PBX3: variants seen among roughly 807,000 people sequenced by gnomAD.
PBX3 encodes the protein PBX homeobox 3.
Under a neutral mutation model 48.5 loss-of-function variants are expected in PBX3, and 14 were observed. The observed-to-expected ratio is 0.29, with a 90% CI of 0.19 to 0.45. The LOEUF is 0.45. PBX3 is among the 20% of genes least tolerant of loss of function. The pLI is 1.00. For synonymous variants in PBX3, 210 were observed against 200.3 expected (o/e 1.05, Z -0.41); for missense variants, 386 against 546.7 (o/e 0.71, Z 2.93).
intron 2 of PBX3, among the ~76,000 whole-genome samples, chr9:125,793,366 A>AAAAATATATATATATATATAT (rs59271982): frequency 4.9e-5 from 5 of 101,936 alleles, no homozygotes; most frequent in African/African-American, 2.1e-4. Flanking sequence ...GGAAAAAAAA[A>AAAAATATATATATATATATAT]ATATATATAT....
At chr9:125,824,232 TTG>T (rs369649288) in intron 2 of PBX3, among the ~76,000 whole-genome samples, 2 of 152,214 alleles carry the variant, frequency 1.3e-5, no homozygotes, top group African/African-American at 4.8e-5. Flanking sequence ...GTAAGAAAGA[TTG>T]TGGTTTGATT....
intron 2 of PBX3, among the ~76,000 whole-genome samples, chr9:125,795,705 GC>G (rs1394973373): frequency 6.6e-6 from 1 of 152,076 alleles, no homozygotes; most frequent in Non-Finnish European, 1.5e-5. Flanking sequence ...AAGACCATGG[GC>G]CATTAACACC....
chr9:125,945,049 C>G (rs113094148), intron 5 of PBX3, among the ~76,000 whole-genome samples: 5,462 of 151,990 alleles, frequency 0.036, 340 homozygotes, highest in African/African-American at 0.12. Context: ...ATGGTGAAAC[C>G]CTCTCTCTAC....
chr9:125,949,269 A>T, intron 5 of PBX3: 1 of 1,362,118 alleles, frequency 7.3e-7, no homozygotes, highest in Non-Finnish European at 1.0e-6. Flanking sequence ...TTCAGGGGTT[A>T]ATGAAATCAT....
At chr9:125,891,418 A>G (rs1474799791) in intron 2 of PBX3, among the ~76,000 whole-genome samples, 1 of 152,272 alleles carries the variant, frequency 6.6e-6, no homozygotes, top group Non-Finnish European at 1.5e-5. Flanking sequence ...CGTGAGGTTC[A>G]GTCAAATGGA....
At chr9:125,957,763 G>A (rs2118799063) in intron 5 of PBX3, among the ~76,000 whole-genome samples, 1 of 152,224 alleles carries the variant, frequency 6.6e-6, no homozygotes, top group African/African-American at 2.4e-5. Flanking sequence ...TTCAGAGTTG[G>A]GGAATTTTCA....
rs758542924 is a variant in PBX3, at chr9:125,747,617, C to T, written c.164C>T (p.Thr55Ile). The T allele has an allele frequency of 1.3e-6, 2 of 1,599,908 alleles. No individual in the cohort carries two copies. The highest frequency in any genetic ancestry group is 1.1e-5 in the South Asian group (1 of 89,764). ...DIGDILHQIMTITDQSLDEAQ... is the reference protein window; with the variant it reads ...DIGDILHQIMIITDQSLDEAQ... ...GGCGACATCCTCCACCAGATCATGACCATCACCGACCAGAGCTTGGACGAG... is the reference window on the plus strand; with the variant it reads ...GGCGACATCCTCCACCAGATCATGATCATCACCGACCAGAGCTTGGACGAG... Residue 55 changes from threonine (T) to isoleucine (I), a missense_variant, in exon 1 of 9, where the codon ACC (threonine) becomes ATC (isoleucine). By Grantham distance (89) the Thr-to-Ile change is moderately conservative. Coordinates refer to ENST00000373489, the MANE Select transcript of PBX3 (RefSeq NM_006195.6).
At chr9:125,797,605 A>G (rs1016034972) in intron 2 of PBX3, 14 of 152,146 alleles carry the variant, frequency 9.2e-5, no homozygotes, top group African/African-American at 2.9e-4. Flanking sequence ...CATATAGTAC[A>G]CAGTAAAATG....
At chr9:125,852,491 G>A (rs1839610332) in intron 2 of PBX3, among the ~76,000 whole-genome samples, 1 of 152,062 alleles carries the variant, frequency 6.6e-6, no homozygotes, top group Admixed American at 6.6e-5. Flanking sequence ...GGGCAATTTG[G>A]CTTTCGGAAC....
At chr9:125,753,584 A>G (rs1836431946) in intron 2 of PBX3, among the ~76,000 whole-genome samples, 1 of 152,102 alleles carries the variant, frequency 6.6e-6, no homozygotes, top group Non-Finnish European at 1.5e-5. Flanking sequence ...TCTCTTGTCA[A>G]TACTAACTTG....
At chr9:125,925,472 CT>C (rs1332486537) in intron 3 of PBX3, among the ~76,000 whole-genome samples, 1 of 151,880 alleles carries the variant, frequency 6.6e-6, no homozygotes, top group African/African-American at 2.4e-5. Context: ...AATTTTCTTT[CT>C]TTTCTTTCTC....
At chr9:125,843,953 T>G in intron 2 of PBX3, 1 of 298,262 alleles carries the variant, frequency 3.4e-6, no homozygotes, top group Admixed American at 3.4e-5. Flanking sequence ...GGAAATGTGT[T>G]AAGATGAAAG....
chr9:125,824,437 T>C (rs1222393293), intron 2 of PBX3, among the ~76,000 whole-genome samples: 1 of 152,220 alleles, frequency 6.6e-6, no homozygotes, highest in East Asian at 1.9e-4. Context: ...CAAAGGAAAG[T>C]ATACCTTTCT....
chr9:125,757,917 CTCA>C (rs1836564163), intron 2 of PBX3, among the ~76,000 whole-genome samples: 1 of 152,124 alleles, frequency 6.6e-6, no homozygotes, highest in Non-Finnish European at 1.5e-5. Flanking sequence ...TCCAGTTTTT[CTCA>C]TCATATTTCT....
At chr9:125,935,834 G>A (rs763849812) in intron 5 of PBX3, among the ~76,000 whole-genome samples, 1 of 152,186 alleles carries the variant, frequency 6.6e-6, no homozygotes, top group Non-Finnish European at 1.5e-5. Context: ...ATTCCCCAGT[G>A]TAAATCTTCT....
intron 2 of PBX3, among the ~76,000 whole-genome samples, chr9:125,849,992 T>C (rs1226657706): frequency 6.6e-6 from 1 of 152,024 alleles, no homozygotes; most frequent in Non-Finnish European, 1.5e-5. Flanking sequence ...TGTGCAGTAA[T>C]GTATCATGGT....
intron 2 of PBX3, among the ~76,000 whole-genome samples, chr9:125,842,358 T>A (rs997354061): frequency 6.6e-6 from 1 of 152,174 alleles, no homozygotes; most frequent in Non-Finnish European, 1.5e-5. Context: ...TAAAACACAT[T>A]CATGTTGACA....
chr9:125,800,017 A>G (rs537481404), intron 2 of PBX3, among the ~76,000 whole-genome samples: 3 of 152,222 alleles, frequency 2.0e-5, no homozygotes, highest in Non-Finnish European at 4.4e-5. Context: ...TATTAATTCA[A>G]TTATTTTTAT....
At chr9:125,861,754 T>C (rs1377370946) in intron 2 of PBX3, among the ~76,000 whole-genome samples, 2 of 152,178 alleles carry the variant, frequency 1.3e-5, no homozygotes, top group Non-Finnish European at 2.9e-5. Flanking sequence ...TTATATGAAA[T>C]GTCCTGAAAA....
Sources: gnomAD v4.1 joint callset for allele counts (sites outside exome capture counted in the v4.1 genomes callset) on GRCh38, gnomAD v4.1.1 for gene constraint, MANE v1.5 for transcripts, NCBI Gene and HGNC (gene_info 2026-07-23, HGNC 2026-07-21) for gene names.